Variants in TMEM63C observed in about 807,000 individuals in gnomAD.
The protein encoded by TMEM63C is transmembrane protein 63C, also known as osmosensitive cation channel TMEM63C.
Under a neutral mutation model 99.2 loss-of-function variants are expected in TMEM63C, and 32 were observed. That is an observed-to-expected ratio of 0.32 (90% CI 0.24 to 0.43). The LOEUF (loss-of-function observed/expected upper bound fraction) is 0.43. Ranked by LOEUF, TMEM63C falls within the 20% of genes least tolerant of loss-of-function variation. The pLI is 1.00. For missense variants in TMEM63C, 826 were observed against 1,053.0 expected (o/e 0.78, Z 2.98); for synonymous variants, 376 against 397.9 (o/e 0.94, Z 0.66).
chr14:77,186,044 T>C (rs530338136), intron 1 of TMEM63C, among the ~76,000 whole-genome samples: 15 of 151,814 alleles, frequency 9.9e-5, no homozygotes, highest in Non-Finnish European at 2.1e-4. Context: ...CAGAGTCTCG[T>C]TCTGTTGCCC....
intron 10 of TMEM63C, 99 bp from the exon 11 acceptor site, chr14:77,239,313 G>T: frequency 2.5e-6 from 3 of 1,221,566 alleles, no homozygotes; most frequent in Non-Finnish European, 3.6e-6. Flanking sequence ...CCAGGCAGCT[G>T]AGCCACCCAG....
chr14:77,230,477 C>A (rs920700655), intron 6 of TMEM63C, among the ~76,000 whole-genome samples: 3 of 152,216 alleles, frequency 2.0e-5, no homozygotes, highest in African/African-American at 7.2e-5. Flanking sequence ...TGCTGTGTAA[C>A]AGGGGTCCCC....
At chr14:77,202,825 GCACACACACACACACA>G (rs60544528) in intron 1 of TMEM63C, among the ~76,000 whole-genome samples, 14,359 of 141,076 alleles carry the variant, frequency 0.1, 814 homozygotes, top group Non-Finnish European at 0.13. Flanking sequence ...ACAGGCAGGC[GCACACACACACACACA>G]CACACACACA....
intron 3 of TMEM63C, 102 bp downstream of exon 3, chr14:77,219,065 A>T: frequency 2.3e-6 from 3 of 1,287,940 alleles, no homozygotes; most frequent in Non-Finnish European, 3.1e-6. Flanking sequence ...ATGGACAACA[A>T]CAACATTGAT....
At chr14:77,186,789 GTGTGTGTGTGTC>G (rs1257304017) in intron 1 of TMEM63C, among the ~76,000 whole-genome samples, 3 of 119,338 alleles carry the variant, frequency 2.5e-5, no homozygotes, top group African/African-American at 6.8e-5. Flanking sequence ...GTGTGTGTGT[GTGTGTGTGTGTC>G]TGTGTGTGTG....
chr14:77,256,541 G>A lies in TMEM63C; in HGVS notation c.2236G>A (p.Val746Met), dbSNP rs762365858. The A allele has an allele frequency of 1.1e-5, 18 of 1,613,972 alleles. No individual in the cohort carries two copies. The highest frequency in any genetic ancestry group is 3.3e-5 in the Admixed American group (2 of 60,022). The change falls in exon 24 of 24, where the codon GTG becomes ATG. Residue 746 changes from valine (V) to methionine (M), a missense_variant. Val to Met is a conservative substitution (Grantham distance 21). Transcript: ENST00000298351. ...TPTSLLYVAT[V>M]LQEPELNLTP... ...TCCCAAGCAGCTGTATGTGGCCACCGTGCTGCAAGAACCGGAGTTGAATCT... is the reference window on the plus strand; with the variant it reads ...TCCCAAGCAGCTGTATGTGGCCACCATGCTGCAAGAACCGGAGTTGAATCT...
At chr14:77,225,336 TC>T in intron 5 of TMEM63C, 87 bp from the exon 6 acceptor site, 1 of 1,330,984 alleles carries the variant, frequency 7.5e-7, no homozygotes, top group South Asian at 1.4e-5. Context: ...CGCGGCTGCC[TC>T]AGATGACCTG....
chr14:77,249,255 G>A (rs1010768403), intron 20 of TMEM63C, 36 bp from the exon 21 acceptor site: 1 of 1,608,998 alleles, frequency 6.2e-7, no homozygotes, highest in African/African-American at 1.3e-5. Context: ...CAGACTTGAA[G>A]GGGCCACTGA....
intron 2 of TMEM63C, among the ~76,000 whole-genome samples, chr14:77,213,888 G>A (rs1025432613): frequency 6.6e-6 from 1 of 152,184 alleles, no homozygotes; most frequent in African/African-American, 2.4e-5. Context: ...GAGAAAGACA[G>A]GCAAGAGACT....
chr14:77,205,930 A>G (rs1456941210), intron 1 of TMEM63C, among the ~76,000 whole-genome samples: 1 of 152,184 alleles, frequency 6.6e-6, no homozygotes, highest in Non-Finnish European at 1.5e-5. Flanking sequence ...TCTGGGCCTC[A>G]GCATCCTCAT....
chr14:77,253,991 T>A (rs532994557), intron 23 of TMEM63C, among the ~76,000 whole-genome samples: 1 of 152,216 alleles, frequency 6.6e-6, no homozygotes, highest in East Asian at 1.9e-4. Context: ...CTGAGGTGGG[T>A]ACTGGGTCAG....
At chr14:77,236,390 T>G (rs1889061138) in intron 8 of TMEM63C, among the ~76,000 whole-genome samples, 1 of 30,280 alleles carries the variant, frequency 3.3e-5, no homozygotes. Flanking sequence ...TGGGGGGGTA[T>G]GGGGAGACTG....
Position 77,236,742 on chromosome 14 carries a change from C to G in TMEM63C, c.651+10C>G. The G allele has an allele frequency of 6.3e-7, 1 of 1,584,338 alleles. No homozygotes were observed. Among genetic ancestry groups the G allele is most frequent in the Non-Finnish European group, 8.7e-7 (1 of 1,153,830 alleles). ...CAGGAATAGCCAAAAGGTAAGTAGC[C>G]TACAAAGCTGCTTCCCACTGTGGGA... On this transcript the variant is annotated intron_variant, in intron 9 of 23. Transcript: ENST00000298351.
At chr14:77,223,207 T>C (rs1888756989) in intron 5 of TMEM63C, among the ~76,000 whole-genome samples, 1 of 152,218 alleles carries the variant, frequency 6.6e-6, no homozygotes, top group African/African-American at 2.4e-5. Context: ...CTTTGATTTT[T>C]TTTTTCTTGT....
chr14:77,223,793 T>C (rs74061147), intron 5 of TMEM63C, among the ~76,000 whole-genome samples: 2,557 of 152,190 alleles, frequency 0.017, 73 homozygotes, highest in African/African-American at 0.059. Context: ...TGTGCACCTG[T>C]AGTGGAAGGG....
chr14:77,202,507 A>AG (rs1318940835), intron 1 of TMEM63C, among the ~76,000 whole-genome samples: 2 of 152,282 alleles, frequency 1.3e-5, no homozygotes, highest in East Asian at 3.9e-4. Flanking sequence ...TGCAGGACCT[A>AG]GGGGAGCATC....
intron 22 of TMEM63C, 79 bp downstream of exon 22, chr14:77,251,977 G>A (rs1024973959): frequency 8.7e-7 from 1 of 1,146,876 alleles, no homozygotes; most frequent in African/African-American, 1.5e-5. Flanking sequence ...CCAGGTCTGG[G>A]CTCCCATAGC....
chr14:77,212,658 T>C (rs1368183264), intron 1 of TMEM63C, among the ~76,000 whole-genome samples: 3 of 152,220 alleles, frequency 2.0e-5, no homozygotes, highest in Non-Finnish European at 4.4e-5. Context: ...GCTTTAGGTT[T>C]CCATGGCAAC....
At position 77,251,036 on chromosome 14, in the gene TMEM63C, G is replaced by A. The variant is rs140920975; in HGVS notation, c.2039-753G>A. ...GTCTATTGTTACTTTGCAAAACTGC[G>A]ATAGTCCATATTGTAACATTCAGTC... On this transcript the variant is annotated intron_variant, in intron 21 of 23. Transcript: ENST00000298351. Among the ~76,000 whole-genome samples, 403 of 152,296 alleles carry A rather than the reference G, an allele frequency of 2.6e-3. 3 individuals carry two copies. Among genetic ancestry groups the A allele is most frequent in the African/African-American group, 8.9e-3 (370 of 41,560 alleles).
Sources: allele counts gnomAD v4.1 joint callset (sites outside exome capture counted in the v4.1 genomes callset), GRCh38; gene constraint gnomAD v4.1.1; transcripts MANE v1.5; gene names NCBI Gene and HGNC (gene_info 2026-07-23, HGNC 2026-07-21).